The following NXPE2 variants were observed in gnomAD, a reference collection of about 807,000 sequenced individuals.
NXPE2 encodes neurexophilin and PC-esterase domain family member 2.
A neutral mutation model predicts 34.4 loss-of-function variants in NXPE2; 34 were observed. That is an observed-to-expected ratio of 0.99 (90% CI 0.75 to 1.31). The LOEUF is 1.31. NXPE2 is among the 40% of genes most tolerant of loss of function. NXPE2 has a pLI of 0.00. For synonymous variants in NXPE2, 235 were observed against 231.3 expected, an observed-to-expected ratio of 1.02 and a Z score of -0.15; for missense variants, 649 against 672.5, an observed-to-expected ratio of 0.97 and a Z score of 0.39.
At chr11:114,466,679 A>G in the NXPE2 span, among the ~76,000 whole-genome samples, 3 of 152,096 alleles carry the variant, frequency 2.0e-5, no homozygotes, top group African/African-American at 4.8e-5. Context: ...ACCAGTTTAT[A>G]TATTTAGGGT....
At chr11:114,630,546 G>T in the NXPE2 span, among the ~76,000 whole-genome samples, 1 of 151,518 alleles carries the variant, frequency 6.6e-6, no homozygotes, top group Non-Finnish European at 1.5e-5. Context: ...AGACTTAAAC[G>T]TTAGACCTAA....
chr11:114,702,703 A>G (rs901147858), intron 3 of NXPE2, among the ~76,000 whole-genome samples: 1 of 152,112 alleles, frequency 6.6e-6, no homozygotes, highest in Admixed American at 6.6e-5. Flanking sequence ...CAGAGTCAGA[A>G]CGGGATTCCC....
intron 2 of NXPE2, among the ~76,000 whole-genome samples, chr11:114,690,702 C>T (rs1037610488): frequency 6.6e-6 from 1 of 152,076 alleles, no homozygotes; most frequent in Non-Finnish European, 1.5e-5. Context: ...GCTTACTCTC[C>T]CTTCTCGCTC....
the NXPE2 span, among the ~76,000 whole-genome samples, chr11:114,565,876 TA>T: frequency 6.6e-6 from 1 of 152,154 alleles, no homozygotes; most frequent in Non-Finnish European, 1.5e-5. Flanking sequence ...TGATACTGTT[TA>T]AACTAAGATG....
chr11:114,631,632 A>C, the NXPE2 span, among the ~76,000 whole-genome samples: 4 of 151,876 alleles, frequency 2.6e-5, no homozygotes, highest in African/African-American at 9.6e-5. Context: ...ATGTAACTAA[A>C]CTGCACATTG....
the NXPE2 span, among the ~76,000 whole-genome samples, chr11:114,808,494 A>C: frequency 6.8e-6 from 1 of 147,664 alleles, no homozygotes; most frequent in Non-Finnish European, 1.5e-5. Flanking sequence ...AGATGCAATA[A>C]AAAATGATAA....
chr11:114,467,995 A>G, the NXPE2 span, among the ~76,000 whole-genome samples: 1 of 151,970 alleles, frequency 6.6e-6, no homozygotes, highest in Non-Finnish European at 1.5e-5. Context: ...AGTAGAAGAA[A>G]TTATGGGAGA....
the NXPE2 span, among the ~76,000 whole-genome samples, chr11:114,501,617 G>A: frequency 1.3e-5 from 2 of 152,088 alleles, no homozygotes; most frequent in Admixed American, 1.3e-4. Flanking sequence ...AATTCATGGA[G>A]GAATCTTTGG....
intron 2 of NXPE2, among the ~76,000 whole-genome samples, chr11:114,683,749 A>C (rs1950990517): frequency 6.6e-6 from 1 of 152,188 alleles, no homozygotes; most frequent in South Asian, 2.1e-4. Context: ...TACATAGTAG[A>C]TACTTAATAA....
At chr11:114,642,998 T>G in the NXPE2 span, among the ~76,000 whole-genome samples, 1 of 152,188 alleles carries the variant, frequency 6.6e-6, no homozygotes, top group Non-Finnish European at 1.5e-5. Context: ...TGATTTGCAT[T>G]TCTCTAATGA....
chr11:114,661,911 A>G, the NXPE2 span, among the ~76,000 whole-genome samples: 1 of 152,196 alleles, frequency 6.6e-6, no homozygotes, highest in African/African-American at 2.4e-5. Context: ...GTGCAAAGGC[A>G]ATTCAATGAA....
chr11:114,690,224 G>A (rs924810283), intron 2 of NXPE2, among the ~76,000 whole-genome samples: 3 of 152,138 alleles, frequency 2.0e-5, no homozygotes, highest in African/African-American at 7.2e-5. Context: ...GTGGTAGCAA[G>A]TAACATTCTT....
At chr11:114,585,221 C>T in the NXPE2 span, among the ~76,000 whole-genome samples, 3 of 151,666 alleles carry the variant, frequency 2.0e-5, no homozygotes, top group Admixed American at 6.6e-5. Context: ...AGTCTAGTCT[C>T]CTGCCATCCT....
At chr11:114,537,237 A>G in the NXPE2 span, among the ~76,000 whole-genome samples, 1 of 152,216 alleles carries the variant, frequency 6.6e-6, no homozygotes, top group South Asian at 2.1e-4. Context: ...ACAACCCTTC[A>G]TGCTAAAAAC....
At chr11:114,585,534 A>G in the NXPE2 span, among the ~76,000 whole-genome samples, 1 of 152,134 alleles carries the variant, frequency 6.6e-6, no homozygotes, top group South Asian at 2.1e-4. Flanking sequence ...AGAGAAAAAG[A>G]AGGTCATTAT....
At chr11:114,623,164 C>T in the NXPE2 span, among the ~76,000 whole-genome samples, 58 of 151,728 alleles carry the variant, frequency 3.8e-4, no homozygotes, top group South Asian at 1.3e-3. Context: ...CAGTGTTAAC[C>T]GGTGGATAAT....
At chr11:114,749,271 A>G in the NXPE2 span, among the ~76,000 whole-genome samples, 6 of 152,192 alleles carry the variant, frequency 3.9e-5, no homozygotes, top group African/African-American at 7.2e-5. Context: ...TCATTCATGT[A>G]TATCTAATCC....
the NXPE2 span, among the ~76,000 whole-genome samples, chr11:114,525,374 G>GAAA: frequency 6.6e-6 from 1 of 151,948 alleles, no homozygotes; most frequent in Non-Finnish European, 1.5e-5. Flanking sequence ...TGAAGCAGAA[G>GAAA]ATATAAAAAG....
the NXPE2 span, among the ~76,000 whole-genome samples, chr11:114,736,921 T>C: frequency 2.0e-5 from 3 of 152,186 alleles, no homozygotes; most frequent in African/African-American, 7.2e-5. Flanking sequence ...TGCCTGTTTG[T>C]GGTGTTCCTG....
Sources: gnomAD v4.1 joint callset for allele counts (sites outside exome capture counted in the v4.1 genomes callset) on GRCh38, gnomAD v4.1.1 for gene constraint, MANE v1.5 for transcripts, NCBI Gene and HGNC (gene_info 2026-07-23, HGNC 2026-07-21) for gene names.